CCDC24: variants seen among roughly 807,000 people sequenced by gnomAD.
The protein encoded by CCDC24 is coiled-coil domain containing 24.
Under a neutral mutation model 31.6 loss-of-function variants are expected in CCDC24, and 34 were observed. That is an observed-to-expected ratio of 1.08 (90% CI 0.82 to 1.43). The LOEUF (loss-of-function observed/expected upper bound fraction) is 1.43. Ranked by LOEUF, CCDC24 falls within the 40% of genes most tolerant of loss-of-function variation. The probability of loss-of-function intolerance (pLI) is 0.00; values close to 1 mark genes in which losing one functional copy is unlikely to be tolerated. For synonymous variants in CCDC24, 175 were observed against 157.3 expected, an observed-to-expected ratio of 1.11 and a Z score of -0.84; for missense variants, 426 against 391.1, an observed-to-expected ratio of 1.09 and a Z score of -0.75.
intron 5 of CCDC24, 137 bp from the exon 6 acceptor site, chr1:43,994,971 G>T: frequency 1.4e-6 from 1 of 727,276 alleles, no homozygotes; most frequent in South Asian, 1.6e-5. Context: ...CCCCCAAGCA[G>T]CAGAGGGCAG....
rs2085806446 is a variant in CCDC24 at position 43,994,913 on chromosome 1, C to G, written c.498-195C>G. ...TGAGGCAGGCGAGGGGAAGATACTT[C>G]CTGCCCAGAAAGAGCCTCACAGGGG... On this transcript the variant is annotated intron_variant, in intron 5 of 8. Transcript: ENST00000372318. 5.0e-6 allele frequency: 3 copies of G among 596,616 alleles called. No homozygotes were observed. In the South Asian group the frequency reaches 6.0e-5, roughly 12 times the overall value. The allele number at this position is 596,616 out of a possible 1,614,324, so 37.0% of individuals were successfully genotyped here. A position where few individuals can be genotyped will look rare whatever the true frequency, so the allele number is the denominator to read the frequency against.
At position 43,992,506 on chromosome 1, in the gene CCDC24, C is replaced by T. The variant is rs763989147; in HGVS notation, c.303-17C>T. 1.1e-5 allele frequency: 18 copies of T among 1,614,068 alleles called. No individual in the cohort carries two copies. In the South Asian group the frequency reaches 1.5e-4, roughly 14 times the overall value. On this transcript the variant is annotated splice_polypyrimidine_tract_variant and intron_variant, in intron 3 of 8. Transcript: ENST00000372318. ...AGAAAGGAGCCTCTCAGCTTCCTTC[C>T]TGTGCACCTTCTGCAGGGACCAGGC...
Position 43,991,970 on chromosome 1 carries a change from C to G in CCDC24, c.92C>G (p.Ala31Gly). The change falls in exon 2 of 9, where the codon GCG becomes GGG. Residue 31 changes from alanine (A) to glycine (G), a missense_variant. By Grantham distance (60) the Ala-to-Gly change is moderately conservative. Transcript: ENST00000372318. ...RREVKRILGE[A>G]AVDLSLELRA... ...GAAGTGAAGAGGATTCTGGGGGAGG[C>G]GGCGGTGGACCTGAGCCTGGAGCTG... is the stretch of plus-strand genomic sequence containing the variant. 1 of 1,524,420 alleles carries G rather than the reference C, an allele frequency of 6.6e-7. No individual in the cohort carries two copies. Among genetic ancestry groups the G allele is most frequent in the Non-Finnish European group, 8.8e-7 (1 of 1,130,048 alleles). The allele number at this position is 1,524,420 out of a possible 1,614,324, so 94.4% of individuals were successfully genotyped here.
rs765993845 is a variant in CCDC24, at chr1:43,992,600, C to T, written c.380C>T (p.Pro127Leu). ...FALEEPRCDL[P>L]EQEIFQMRGG... ...TTGGAGGAGCCCAGGTGTGATTTGC[C>T]AGAACAGGAGATATTCCAGATGAGA... Residue 127 changes from proline to leucine, a missense_variant, in exon 4 of 9, where the codon CCA (proline) becomes CTA (leucine). Pro to Leu is a moderately conservative substitution (Grantham distance 98). Coordinates refer to ENST00000372318, the MANE Select transcript of CCDC24 (RefSeq NM_152499.4). The T allele has an allele frequency of 2.5e-6, 4 of 1,614,188 alleles. No individual in the cohort carries two copies. In the South Asian group the frequency reaches 3.3e-5, roughly 13 times the overall value.
In CCDC24 at chr1:43,991,824, G is replaced by A. The variant is rs963756004; in HGVS notation, c.-32-23G>A. 8.4e-6 allele frequency: 13 copies of A among 1,542,552 alleles called. No individual in the cohort carries two copies. The South Asian group carries it at 1.4e-4, about 17-fold the overall frequency. On this transcript the variant is annotated intron_variant, in intron 1 of 8. Coordinates refer to ENST00000372318, the MANE Select transcript of CCDC24 (RefSeq NM_152499.4). ...TGCCGGCGGGCCCGCGGTACCTCCC[G>A]CACTCTGACCTGCGGCCCGTAGGTC...
At chr1:43,994,318 G>A (rs2085792074) in intron 5 of CCDC24, 2 of 296,392 alleles carry the variant, frequency 6.7e-6, no homozygotes, top group Admixed American at 4.3e-5. Flanking sequence ...GCGTGGTGGT[G>A]CACGCCTGTA....
rs754871688 is a variant in CCDC24 at position 43,995,985 on chromosome 1, CCCTCTGCGGGGTTGCA to C, written c.755_770del (p.Cys252SerfsTer58). The stretch of plus-strand genomic sequence containing the variant: ...ACACAGGGCCTCAGACCCCCGCTTC[CCCTCTGCGGGGTTGCA>C]CCTCTCCAGTGCTGCCTGCCTGCAC... On this transcript the variant is annotated frameshift_variant, in exon 9 of 9. Transcript: ENST00000372318. LOFTEE classifies it low-confidence loss of function (END_TRUNC). The surrounding 1 kb of genome is among the most constrained non-coding windows in gnomAD (Gnocchi z 4.3). The C allele has an allele frequency of 8.7e-6, 14 of 1,614,110 alleles. No individual in the cohort carries two copies. The highest frequency in any genetic ancestry group is 1.0e-5 in the Non-Finnish European group (12 of 1,180,044).
Position 43,991,934 on chromosome 1 carries a change from G to C in CCDC24, c.56G>C (p.Arg19Pro). Residue 19 changes from arginine (R) to proline (P), a missense_variant, in exon 2 of 9, where the codon CGG (arginine) becomes CCG (proline). Transcript: ENST00000372318. ...CTGGTGGAGGAGCACGTTCCGCTCC[G>C]GGAGCGACGCGAAGTGAAGAGGATT... ...WELVEEHVPLRERREVKRILG... is the reference protein window; with the variant it reads ...WELVEEHVPLPERREVKRILG... 6.5e-7 allele frequency: 1 copy of C among 1,542,632 alleles called. No individual in the cohort carries two copies. Among genetic ancestry groups the C allele is most frequent in the South Asian group, 1.2e-5 (1 of 83,716 alleles).
intron 2 of CCDC24, 85 bp from the exon 3 acceptor site, chr1:43,992,127 C>A: frequency 6.6e-7 from 1 of 1,517,500 alleles, no homozygotes; most frequent in Non-Finnish European, 8.9e-7. Flanking sequence ...TCCCCTTTGA[C>A]TCCGCCCTCT....
rs888690338 is a variant in CCDC24, at chr1:43,996,359, G to A, written c.*199G>A. ...GTCTGGAGCTGAGTGGCCGGGCATCGGTCCCAAGCATCAAAGCCTTTGGCC... is the reference window on the plus strand; with the variant it reads ...GTCTGGAGCTGAGTGGCCGGGCATCAGTCCCAAGCATCAAAGCCTTTGGCC... On this transcript the variant is annotated 3_prime_UTR_variant, in exon 9 of 9. Coordinates refer to ENST00000372318, the MANE Select transcript of CCDC24 (RefSeq NM_152499.4). The A allele has an allele frequency of 1.0e-4, 56 of 557,992 alleles. No homozygotes were observed. Among genetic ancestry groups the A allele is most frequent in the Non-Finnish European group, 1.5e-4 (49 of 320,088 alleles). The allele number at this position is 557,992 out of a possible 1,614,324, so 34.6% of individuals were successfully genotyped here.
chr1:43,994,443 T>TTTC (rs60691118), intron 5 of CCDC24: 3,857 of 130,974 alleles, frequency 0.029, 102 homozygotes, highest in African/African-American at 0.094. Flanking sequence ...TCTTTCTTTC[T>TTTC]TTTTTTTTTT....
At position 43,995,001 on chromosome 1, in the gene CCDC24, G is replaced by A; in HGVS notation, c.498-107G>A. 1 of 996,924 alleles carries A rather than the reference G, an allele frequency of 1.0e-6. No individual in the cohort carries two copies. Among genetic ancestry groups the A allele is most frequent in the Non-Finnish European group, 1.5e-6 (1 of 651,142 alleles). The allele number at this position is 996,924 out of a possible 1,614,324, so 61.8% of individuals were successfully genotyped here. On this transcript the variant is annotated intron_variant, in intron 5 of 8. Coordinates refer to ENST00000372318, the MANE Select transcript of CCDC24 (RefSeq NM_152499.4). This position sits in a 1 kb window ranked among gnomAD's most constrained non-coding sequence, Gnocchi z 4.3. ...GGGCAGTGTGGGCTGAGGAAGGACA[G>A]GTTGGGTGGGGCTCCTGCTGAGGCT...
rs1274580269 is a variant in CCDC24, at chr1:43,993,863, G to A, written c.420-24G>A. On this transcript the variant is annotated intron_variant, in intron 4 of 8. Coordinates refer to ENST00000372318, the MANE Select transcript of CCDC24 (RefSeq NM_152499.4). Reference sequence around the variant, plus strand: ...AGGCCTGGGGTGAGCAACATGCGGAGAGTGATAGTGACTTCATTGCCAGCA... The same window carrying A: ...AGGCCTGGGGTGAGCAACATGCGGAAAGTGATAGTGACTTCATTGCCAGCA... The A allele has an allele frequency of 1.2e-5, 19 of 1,612,610 alleles. No individual in the cohort carries two copies. The South Asian group carries it at 1.2e-4, about 10-fold the overall frequency.
At chr1:43,992,731 C>A in intron 4 of CCDC24, 92 bp downstream of exon 4, 1 of 1,165,138 alleles carries the variant, frequency 8.6e-7, no homozygotes, top group Non-Finnish European at 1.3e-6. Context: ...GCAGGAGATT[C>A]CAGTCACGGG....
At position 43,995,517 on chromosome 1, in the gene CCDC24, C is replaced by T. The variant is rs2085825710; in HGVS notation, c.553-84C>T. 2 of 1,405,034 alleles carry T rather than the reference C, an allele frequency of 1.4e-6. No homozygotes were observed. Among genetic ancestry groups the T allele is most frequent in the Non-Finnish European group, 1.9e-6 (2 of 1,042,110 alleles). The allele number at this position is 1,405,034 out of a possible 1,614,324, so 87.0% of individuals were successfully genotyped here. ...GGATGGGCTGAAGGGGCTGCACGGG[C>T]CTGCCCTGGGGATCTTGGCCTCTGT... On this transcript the variant is annotated intron_variant, in intron 6 of 8. Coordinates refer to ENST00000372318, the MANE Select transcript of CCDC24 (RefSeq NM_152499.4). This position sits in a 1 kb window ranked among gnomAD's most constrained non-coding sequence, Gnocchi z 4.3.
Position 43,991,843 on chromosome 1 carries a change from G to C in CCDC24, c.-32-4G>C. On this transcript the variant is annotated splice_polypyrimidine_tract_variant and splice_region_variant and intron_variant, in intron 1 of 8. Coordinates refer to ENST00000372318, the MANE Select transcript of CCDC24 (RefSeq NM_152499.4). ...CCTCCCGCACTCTGACCTGCGGCCC[G>C]TAGGTCCGAGCCGGGGACGGCGGCG... 6.5e-7 allele frequency: 1 copy of C among 1,546,616 alleles called. No individual in the cohort carries two copies. The highest frequency in any genetic ancestry group is 8.7e-7 in the Non-Finnish European group (1 of 1,144,944).
chr1:43,992,694 C>A lies in CCDC24; in HGVS notation c.419+55C>A, dbSNP rs2085769332. On this transcript the variant is annotated intron_variant, in intron 4 of 8. Transcript: ENST00000372318. ...TCCCTGCTTGGCAGAGGGCCCTAGC[C>A]CACTGGTGGGTTGCACCTGGCTCCA... 2.6e-6 allele frequency: 4 copies of A among 1,544,004 alleles called. No homozygotes were observed. The Admixed American group carries it at 5.0e-5, about 19-fold the overall frequency.
Position 43,996,040 on chromosome 1 carries a change from C to T in CCDC24, c.804C>T (p.Pro268=). 1 of 1,614,186 alleles carries T rather than the reference C, an allele frequency of 6.2e-7. No homozygotes were observed. The highest frequency in any genetic ancestry group is 8.5e-7 in the Non-Finnish European group (1 of 1,180,042). The change falls in exon 9 of 9, where the codon CCC becomes CCT. Residue 268 remains proline (P), a synonymous_variant. Coordinates refer to ENST00000372318, the MANE Select transcript of CCDC24 (RefSeq NM_152499.4). ...QCCLPAPPLE[P]YLRPRGQSAT... is the part of the protein sequence containing the mutation. ...GCCTGCCTGCACCTCCTCTGGAGCC[C>T]TACCTTCGACCTCGAGGCCAGTCGG...
Position 43,995,937 on chromosome 1 carries a change from G to A in CCDC24, c.702-1G>A. The A allele has an allele frequency of 3.7e-6, 6 of 1,614,016 alleles. No individual in the cohort carries two copies. Among genetic ancestry groups the A allele is most frequent in the Non-Finnish European group, 5.1e-6 (6 of 1,179,890 alleles). ...CCTCACAGTTACTCTTTCTTGTCCA[G>A]GCAGCGGCCCTTGGGGTCCTCCACA... is the stretch of plus-strand genomic sequence containing the variant. On this transcript the variant is annotated splice_acceptor_variant, in intron 8 of 8. Transcript: ENST00000372318. LOFTEE classifies it high-confidence loss of function. The surrounding 1 kb of genome is among the most constrained non-coding windows in gnomAD (Gnocchi z 4.3).
Sources: gnomAD v4.1 joint callset for allele counts on GRCh38, gnomAD v4.1.1 for gene constraint, Gnocchi (gnomAD v3.1) non-coding constraint, MANE v1.5 for transcripts, NCBI Gene and HGNC (gene_info 2026-07-23, HGNC 2026-07-21) for gene names.